AXIN1: variants seen among roughly 807,000 people sequenced by gnomAD.
The protein encoded by AXIN1 is axin-1.
In AXIN1, 30 loss-of-function variants were observed where a neutral mutation model predicts 76.4. That is an observed-to-expected ratio of 0.39 (90% CI 0.29 to 0.53). The LOEUF (loss-of-function observed/expected upper bound fraction) is 0.53. AXIN1 is among the 20% of genes least tolerant of loss of function. The probability of loss-of-function intolerance (pLI) is 0.66; values close to 1 mark genes in which losing one functional copy is unlikely to be tolerated. For missense variants in AXIN1, 1,140 were observed against 1,198.8 expected (o/e 0.95, Z 0.72); for synonymous variants, 545 against 501.4 (o/e 1.09, Z -1.16).
intron 2 of AXIN1, among the ~76,000 whole-genome samples, chr16:345,527 C>T (rs1030208624): frequency 2.0e-5 from 3 of 152,184 alleles, no homozygotes; most frequent in African/African-American, 7.2e-5. Context: ...CCAGCCTGGC[C>T]AACATGGAGA....
chr16:336,549 C>T (rs145406330), intron 2 of AXIN1, among the ~76,000 whole-genome samples: 119 of 152,066 alleles, frequency 7.8e-4, no homozygotes, highest in African/African-American at 2.7e-3. Flanking sequence ...CAGCTGGGCG[C>T]GGTGCCTCAC....
At chr16:332,797 A>T (rs981395594) in intron 2 of AXIN1, among the ~76,000 whole-genome samples, 22 of 152,138 alleles carry the variant, frequency 1.4e-4, no homozygotes, top group African/African-American at 3.9e-4. Flanking sequence ...AATTTAAAGG[A>T]TCACTCTAAA....
rs546827136 is a variant in AXIN1 at position 289,513 on chromosome 16, G to A, written c.2389C>T (p.Arg797Cys). Reference sequence around the variant, plus strand: ...ACAGCGCGGCCCCTCACCAGGGTGCGGTAGGGGATGGGTTCCCCGCAGAAG... The same window carrying A: ...ACAGCGCGGCCCCTCACCAGGGTGCAGTAGGGGATGGGTTCCCCGCAGAAG... The part of the protein sequence containing the change: ...YYFCGEPIPY[R>C]TLVRGRAVTL... Residue 797 changes from arginine to cysteine, a missense_variant, in exon 10 of 11, where the codon CGC becomes TGC. Physicochemically the swap from Arg to Cys is radical, Grantham distance 180 (BLOSUM62 -3). Transcript: ENST00000262320. The A allele has an allele frequency of 3.7e-5, 59 of 1,612,970 alleles. No individual in the cohort carries two copies. Among genetic ancestry groups the A allele is most frequent in the Non-Finnish European group, 4.5e-5 (53 of 1,180,028 alleles).
intron 3 of AXIN1, 31 bp from the exon 4 acceptor site, chr16:310,100 C>G (rs763777610): frequency 5.1e-6 from 8 of 1,576,038 alleles, no homozygotes; most frequent in Non-Finnish European, 2.6e-6. Context: ...GCCGTTAACT[C>G]AGAGAGGAGC....
intron 2 of AXIN1, among the ~76,000 whole-genome samples, chr16:341,190 C>G (rs1216520507): frequency 6.6e-6 from 1 of 152,284 alleles, no homozygotes; most frequent in Non-Finnish European, 1.5e-5. Flanking sequence ...TTCAGCCCAC[C>G]ACTGCACTGT....
At chr16:331,438 A>G (rs1479855064) in intron 2 of AXIN1, among the ~76,000 whole-genome samples, 1 of 152,246 alleles carries the variant, frequency 6.6e-6, no homozygotes, top group Non-Finnish European at 1.5e-5. Context: ...CTGAGTGTGC[A>G]GCAGGAAGAA....
At chr16:336,724 G>A (rs1049009324) in intron 2 of AXIN1, among the ~76,000 whole-genome samples, 9 of 150,952 alleles carry the variant, frequency 6.0e-5, no homozygotes, top group South Asian at 2.1e-4. Context: ...AGCTGAGGCA[G>A]GAGAATCATT....
At chr16:314,729 C>T in intron 2 of AXIN1, 46 bp from the exon 3 acceptor site, 1 of 1,609,476 alleles carries the variant, frequency 6.2e-7, no homozygotes, top group Non-Finnish European at 8.5e-7. Flanking sequence ...CTGCCAACAG[C>T]CTCTCATTTT....
intron 2 of AXIN1, among the ~76,000 whole-genome samples, chr16:344,806 C>T (rs1257928745): frequency 6.6e-6 from 1 of 152,162 alleles, no homozygotes; most frequent in African/African-American, 2.4e-5. Context: ...CATCTTAAAT[C>T]GTATCACTTA....
In AXIN1 at chr16:352,339, TAGCCCGCCCCGG is replaced by T. The variant is rs950202522; in HGVS notation, c.-82+18_-82+29del. 5 of 977,826 alleles carry T rather than the reference TAGCCCGCCCCGG, an allele frequency of 5.1e-6. No homozygotes were observed. Among genetic ancestry groups the T allele is most frequent in the Non-Finnish European group, 6.1e-6 (5 of 825,996 alleles). The allele number at this position is 977,826 out of a possible 1,614,324, so 60.6% of individuals were successfully genotyped here. On this transcript the variant is annotated intron_variant, in intron 1 of 10. Coordinates refer to ENST00000262320, the MANE Select transcript of AXIN1 (RefSeq NM_003502.4). ...CCCGCCCGCCCGGCCTACCGCGGCC[TAGCCCGCCCCGG>T]AGCCCGGCCCTACTCACCCGCGCGC... is the stretch of plus-strand genomic sequence containing the variant.
At chr16:317,133 G>C (rs1334549618) in intron 2 of AXIN1, among the ~76,000 whole-genome samples, 1 of 152,180 alleles carries the variant, frequency 6.6e-6, no homozygotes, top group African/African-American at 2.4e-5. Flanking sequence ...GAAAGCCCCA[G>C]TTCTACTTAC....
At position 314,671 on chromosome 16, in the gene AXIN1, C is replaced by T. The variant is rs759417207; in HGVS notation, c.891G>A (p.Trp297Ter). The T allele has an allele frequency of 6.2e-7, 1 of 1,613,730 alleles. No individual in the cohort carries two copies. The highest frequency in any genetic ancestry group is 8.5e-7 in the Non-Finnish European group (1 of 1,180,028). ...CATAATAGGGGTTGACTGGCTCCCG[C>T]CAGGATCCATACCTGCAAACAGGCA... is the stretch of plus-strand genomic sequence containing the variant. Reference protein sequence around the residue: ...SEGREFRYGSWREPVNPYYVN... With the variant: ...SEGREFRYGS The change falls in exon 3 of 11, where the codon TGG (tryptophan) becomes TGA (stop). Residue 297 changes from tryptophan to a stop codon, truncating the protein, a stop_gained. Coordinates refer to ENST00000262320, the MANE Select transcript of AXIN1 (RefSeq NM_003502.4). LOFTEE classifies it high-confidence loss of function.
intron 2 of AXIN1, among the ~76,000 whole-genome samples, chr16:328,308 G>A (rs988275157): frequency 3.3e-5 from 5 of 151,222 alleles, no homozygotes; most frequent in Non-Finnish European, 7.4e-5. Context: ...CAGGAGGATC[G>A]CCTGAGCCCA....
At chr16:350,592 A>T (rs750075116) in intron 1 of AXIN1, among the ~76,000 whole-genome samples, 3 of 152,230 alleles carry the variant, frequency 2.0e-5, no homozygotes, top group Admixed American at 6.5e-5. Flanking sequence ...GGAGGCAAGT[A>T]ACACAACACG....
At chr16:350,763 A>C (rs1325196025) in intron 1 of AXIN1, among the ~76,000 whole-genome samples, 1 of 152,224 alleles carries the variant, frequency 6.6e-6, no homozygotes, top group Non-Finnish European at 1.5e-5. Flanking sequence ...AGACAAGTCA[A>C]CACCAGCTGA....
In AXIN1 at chr16:294,458, C is replaced by T. The variant is rs1303023628; in HGVS notation, c.1956-740G>A. On this transcript the variant is annotated intron_variant, in intron 7 of 10. Coordinates refer to ENST00000262320, the MANE Select transcript of AXIN1 (RefSeq NM_003502.4). ...AGCCTAGGCAAGAGTGAGACTCCAT[C>T]TCAAAAAAAAAAAAAAAAAAAAAAA... 5.6e-5 allele frequency among the ~76,000 whole-genome samples: 4 copies of T among 71,020 alleles called. No individual in the cohort carries two copies. The East Asian group carries it at 1.4e-3, about 25-fold the overall frequency. The allele number at this position is 71,020 out of a possible 152,430, so 46.6% of individuals were successfully genotyped here.
At chr16:333,320 G>A (rs142863320) in intron 2 of AXIN1, among the ~76,000 whole-genome samples, 4,557 of 149,756 alleles carry the variant, frequency 0.03, 257 homozygotes, top group African/African-American at 0.099. Flanking sequence ...CAACAAGAGC[G>A]AAATTCCATC....
chr16:339,225 C>T (rs192397201), intron 2 of AXIN1, among the ~76,000 whole-genome samples: 138 of 145,112 alleles, frequency 9.5e-4, no homozygotes, highest in African/African-American at 3.4e-3. Context: ...AAAAAAAGGC[C>T]GGGCGTGGTG....
intron 2 of AXIN1, among the ~76,000 whole-genome samples, chr16:345,350 A>C (rs760650769): frequency 6.6e-6 from 1 of 152,212 alleles, no homozygotes; most frequent in Non-Finnish European, 1.5e-5. Flanking sequence ...TACTCTGACC[A>C]TTCCCCACAC....
Sources: gnomAD v4.1 joint callset for allele counts (sites outside exome capture counted in the v4.1 genomes callset) on GRCh38, gnomAD v4.1.1 for gene constraint, MANE v1.5 for transcripts, NCBI Gene and HGNC (gene_info 2026-07-23, HGNC 2026-07-21) for gene names.